Variants in BOLL observed in about 807,000 individuals in gnomAD.
BOLL encodes boule RNA binding protein, also known as protein boule-like.
A neutral mutation model predicts 44.4 loss-of-function variants in BOLL; 23 were observed. That is an observed-to-expected ratio of 0.52 (90% CI 0.37 to 0.73). The LOEUF is 0.73. BOLL is among the 30% of genes least tolerant of loss of function. The pLI is 0.00. For missense variants in BOLL, 287 were observed against 338.3 expected (o/e 0.85, Z 1.19); for synonymous variants, 97 against 110.8 (o/e 0.88, Z 0.78).
intron 7 of BOLL, among the ~76,000 whole-genome samples, chr2:197,764,228 A>T (rs1486594063): frequency 6.6e-6 from 1 of 152,236 alleles, no homozygotes; most frequent in Non-Finnish European, 1.5e-5. Context: ...TCAGAGAGAC[A>T]TCTGCACCCC....
chr2:197,773,472 T>C (rs1689362033), intron 5 of BOLL, among the ~76,000 whole-genome samples: 1 of 151,952 alleles, frequency 6.6e-6, no homozygotes. Flanking sequence ...ATTAATTAAA[T>C]ACAATTTTGA....
At chr2:197,738,587 AC>A (rs2106320761) in intron 10 of BOLL, among the ~76,000 whole-genome samples, 1 of 152,162 alleles carries the variant, frequency 6.6e-6, no homozygotes, top group South Asian at 2.1e-4. Context: ...TGTGCTTCAA[AC>A]TCTGCATAAG....
intron 1 of BOLL, among the ~76,000 whole-genome samples, chr2:197,782,194 C>G (rs1013423056): frequency 3.3e-5 from 5 of 152,088 alleles, no homozygotes; most frequent in African/African-American, 1.2e-4. Context: ...AAAACAGTCC[C>G]AGCCTGACAC....
At chr2:197,730,358 G>T (rs1335050426) in intron 10 of BOLL, among the ~76,000 whole-genome samples, 2 of 130,120 alleles carry the variant, frequency 1.5e-5, no homozygotes, top group East Asian at 2.1e-4. Flanking sequence ...GAAAGTGATG[G>T]GGAGAATGGA....
chr2:197,772,480 C>T (rs1222969445), intron 5 of BOLL, among the ~76,000 whole-genome samples: 1 of 151,958 alleles, frequency 6.6e-6, no homozygotes, highest in Non-Finnish European at 1.5e-5. Context: ...ATTTTGGTTC[C>T]ACCCTACTAA....
intron 7 of BOLL, among the ~76,000 whole-genome samples, chr2:197,761,764 T>C (rs1209412799): frequency 6.6e-6 from 1 of 152,118 alleles, no homozygotes; most frequent in Non-Finnish European, 1.5e-5. Context: ...GAAAGACATG[T>C]TTCATGCAAA....
intron 4 of BOLL, 67 bp downstream of exon 4, chr2:197,776,992 C>A (rs1330335001): frequency 3.2e-6 from 4 of 1,236,476 alleles, no homozygotes; most frequent in African/African-American, 1.5e-5. Context: ...TGTATTTGAA[C>A]CCCGAAAAGA....
chr2:197,756,771 A>G (rs1688533664), intron 8 of BOLL, among the ~76,000 whole-genome samples: 1 of 152,150 alleles, frequency 6.6e-6, no homozygotes, highest in Non-Finnish European at 1.5e-5. Flanking sequence ...ATTGGTAAGC[A>G]CTAGAACTTC....
intron 6 of BOLL, among the ~76,000 whole-genome samples, chr2:197,767,633 G>A (rs552554423): frequency 1.1e-4 from 16 of 151,958 alleles, no homozygotes; most frequent in African/African-American, 3.6e-4. Flanking sequence ...GTCCTATAGG[G>A]AACATCTGGC....
intron 9 of BOLL, among the ~76,000 whole-genome samples, chr2:197,754,162 G>C (rs932402064): frequency 6.6e-6 from 1 of 152,118 alleles, no homozygotes; most frequent in African/African-American, 2.4e-5. Flanking sequence ...GGGAGGGATA[G>C]CATTAGGAGA....
intron 10 of BOLL, among the ~76,000 whole-genome samples, chr2:197,742,520 T>C (rs1574814835): frequency 6.6e-6 from 1 of 152,144 alleles, no homozygotes; most frequent in Admixed American, 6.5e-5. Flanking sequence ...TGTAGGGACA[T>C]GGATGAAGCT....
chr2:197,730,784 G>T (rs1042303823), intron 10 of BOLL, among the ~76,000 whole-genome samples: 131 of 151,988 alleles, frequency 8.6e-4, no homozygotes, highest in African/African-American at 3.0e-3. Flanking sequence ...GTCACCACCA[G>T]GCCTGCCTTA....
At chr2:197,750,513 C>G (rs926364053) in intron 9 of BOLL, among the ~76,000 whole-genome samples, 2 of 152,120 alleles carry the variant, frequency 1.3e-5, no homozygotes, top group African/African-American at 2.4e-5. Context: ...TCTGATAAAA[C>G]AGACTTTAAA....
At chr2:197,748,119 G>A (rs1455049017) in intron 9 of BOLL, among the ~76,000 whole-genome samples, 2 of 152,120 alleles carry the variant, frequency 1.3e-5, no homozygotes, top group African/African-American at 2.4e-5. Flanking sequence ...AGGGTGGGGC[G>A]TCACCTCACC....
rs1311906533 is a variant in BOLL, at chr2:197,727,143, C to T, written c.*1412G>A. 1 of 152,312 alleles carries T rather than the reference C, an allele frequency of 6.6e-6. No individual in the cohort carries two copies. Among genetic ancestry groups the T allele is most frequent in the Non-Finnish European group, 1.5e-5 (1 of 68,040 alleles). The allele number at this position is 152,312 out of a possible 1,614,324, so 9.4% of individuals were successfully genotyped here. A position where few individuals can be genotyped will look rare whatever the true frequency, so the allele number is the denominator to read the frequency against. On this transcript the variant is annotated 3_prime_UTR_variant, in exon 11 of 11. Coordinates refer to ENST00000392296, the MANE Select transcript of BOLL (RefSeq NM_033030.6). ...TTTGAGATCCTTGTATGCTAGTATACATTCATAAGGTTCTACTGTTCTCAT... is the reference window on the plus strand; with the variant it reads ...TTTGAGATCCTTGTATGCTAGTATATATTCATAAGGTTCTACTGTTCTCAT...
intron 10 of BOLL, among the ~76,000 whole-genome samples, chr2:197,731,121 C>G (rs970932445): frequency 5.9e-5 from 9 of 152,054 alleles, no homozygotes; most frequent in African/African-American, 2.2e-4. Flanking sequence ...GGAGGAAGAC[C>G]TACCAAGCCA....
intron 9 of BOLL, among the ~76,000 whole-genome samples, chr2:197,752,175 C>T (rs1015600730): frequency 6.6e-6 from 1 of 152,132 alleles, no homozygotes; most frequent in South Asian, 2.1e-4. Flanking sequence ...CTATTTATGA[C>T]AAACGAATAG....
chr2:197,758,667 A>G (rs1369454831), intron 7 of BOLL, among the ~76,000 whole-genome samples: 1 of 152,224 alleles, frequency 6.6e-6, no homozygotes, highest in Admixed American at 6.5e-5. Context: ...ACCCTGCTAT[A>G]GACCAGAATG....
rs1689481834 is a variant in BOLL, at chr2:197,775,756, AAG to A, written c.277-18_277-17del. 3 of 1,400,474 alleles carry A rather than the reference AAG, an allele frequency of 2.1e-6. No homozygotes were observed. The highest frequency in any genetic ancestry group is 2.9e-6 in the Non-Finnish European group (3 of 1,030,016). 86.8% of individuals were successfully genotyped at this position (1,400,474 alleles called of 1,614,324 possible). ...GTTTTTCAGCCTAAAATAAAGAAAA[AAG>A]AAATTATTTTATTATTTTAGCACTA... On this transcript the variant is annotated splice_polypyrimidine_tract_variant and intron_variant, in intron 4 of 10. Transcript: ENST00000392296.
Sources: allele counts gnomAD v4.1 joint callset (sites outside exome capture counted in the v4.1 genomes callset), GRCh38; gene constraint gnomAD v4.1.1; transcripts MANE v1.5; gene names NCBI Gene and HGNC (gene_info 2026-07-23, HGNC 2026-07-21).